CHST9: variants seen among roughly 807,000 people sequenced by gnomAD.
The protein encoded by CHST9 is GalNAc-4-sulfotransferase 2.
In CHST9, 41 loss-of-function variants were observed where a neutral mutation model predicts 44.4. The observed-to-expected ratio is 0.92, with a 90% CI of 0.72 to 1.20. The LOEUF (loss-of-function observed/expected upper bound fraction) is 1.20. Among genes scored for constraint, CHST9 ranks in the 50% most tolerant of loss-of-function variants. The pLI is 0.00. For missense variants in CHST9, 504 were observed against 516.5 expected (o/e 0.98, Z 0.23); for synonymous variants, 171 against 178.4 (o/e 0.96, Z 0.33).
At chr18:27,146,201 C>A (rs1386368817) in intron 1 of CHST9, among the ~76,000 whole-genome samples, 1 of 152,156 alleles carries the variant, frequency 6.6e-6, no homozygotes, top group Non-Finnish European at 1.5e-5. Context: ...TTTGCCCTTC[C>A]TTTCTTCAGG....
Position 26,915,013 on chromosome 18 carries a change from G to GA in CHST9, c.*1245dup, listed in dbSNP as rs1399906397. 2.3e-5 allele frequency: 9 copies of GA among 397,360 alleles called. No homozygotes were observed. The highest frequency in any genetic ancestry group is 4.0e-5 in the Non-Finnish European group (9 of 225,508). 24.6% of individuals were successfully genotyped at this position (397,360 alleles called of 1,614,324 possible). ...AAGGGATCTAATTTAGGATCCCTTGGAAAAAAATTCCAAAATGCATTACAA... is the reference window on the plus strand; with the variant it reads ...AAGGGATCTAATTTAGGATCCCTTGGAAAAAAAATTCCAAAATGCATTACAA... On this transcript the variant is annotated 3_prime_UTR_variant, in exon 6 of 6. Transcript: ENST00000618847.
At chr18:27,100,800 C>T (rs2058164092) in intron 2 of CHST9, among the ~76,000 whole-genome samples, 1 of 152,082 alleles carries the variant, frequency 6.6e-6, no homozygotes, top group Non-Finnish European at 1.5e-5. Context: ...ATGTTTGTCA[C>T]AATTTTAGAT....
At position 26,916,087 on chromosome 18, in the gene CHST9, T is replaced by G; in HGVS notation, c.*172A>C. 1 of 534,424 alleles carries G rather than the reference T, an allele frequency of 1.9e-6. No individual in the cohort carries two copies. Among genetic ancestry groups the G allele is most frequent in the Non-Finnish European group, 3.3e-6 (1 of 305,162 alleles). 33.1% of individuals were successfully genotyped at this position (534,424 alleles called of 1,614,324 possible). ...GTTGTTTACATCTCCTGTAGGTGAT[T>G]TTCCTATAACTTTGTGCCAATTGGT... On this transcript the variant is annotated 3_prime_UTR_variant, in exon 6 of 6. Transcript: ENST00000618847.
Position 27,140,059 on chromosome 18 carries a change from T to C in CHST9, c.121+2630A>G, listed in dbSNP as rs187858200. On this transcript the variant is annotated intron_variant, in intron 2 of 5. Transcript: ENST00000618847. ...TACACTTCAAAAACCTGTAGCTTTA[T>C]AGCTACAGGTTAAGTCATTTAAACT... Among the ~76,000 whole-genome samples the C allele has an allele frequency of 2.5e-3, 387 of 152,332 alleles. 4 individuals are homozygous for C. Among genetic ancestry groups the C allele is most frequent in the African/African-American group, 8.9e-3 (372 of 41,586 alleles).
chr18:27,084,498 C>T (rs2057991427), intron 2 of CHST9, among the ~76,000 whole-genome samples: 1 of 150,360 alleles, frequency 6.7e-6, no homozygotes. Flanking sequence ...TGGTAATGCC[C>T]CCTTTGTTGC....
chr18:26,969,372 C>CTGTGTGTG lies in CHST9; in HGVS notation c.203-25007_203-25006insCACACACA, dbSNP rs1371549809. Among the ~76,000 whole-genome samples the CTGTGTGTG allele has an allele frequency of 4.9e-4, 60 of 122,112 alleles. 1 individual carries two copies. The highest frequency in any genetic ancestry group is 1.3e-3 in the East Asian group (5 of 3,812). The allele number at this position is 122,112 out of a possible 152,430, so 80.1% of individuals were successfully genotyped here. A position where few individuals can be genotyped will look rare whatever the true frequency, so the allele number is the denominator to read the frequency against. Reference sequence around the variant, plus strand: ...CTTCCTTTTTTGATTCTCTCTCTCTCTCTCTGTGTGTGTGTGTGTGTGTGT... The same window carrying CTGTGTGTG: ...CTTCCTTTTTTGATTCTCTCTCTCTCTGTGTGTGTCTCTGTGTGTGTGTGTGTGTGTGT... On this transcript the variant is annotated intron_variant, in intron 4 of 5. Transcript: ENST00000618847.
chr18:27,051,784 G>T (rs2057570297), intron 2 of CHST9, among the ~76,000 whole-genome samples: 1 of 152,168 alleles, frequency 6.6e-6, no homozygotes, highest in South Asian at 2.1e-4. Flanking sequence ...GTTTTTAGCT[G>T]CTAAATCCTG....
At chr18:27,089,542 G>C (rs531482272) in intron 2 of CHST9, among the ~76,000 whole-genome samples, 1 of 152,284 alleles carries the variant, frequency 6.6e-6, no homozygotes, top group East Asian at 1.9e-4. Context: ...ATCATTGATG[G>C]ACATTTGGGT....
chr18:27,062,430 C>T (rs138886583), intron 2 of CHST9, among the ~76,000 whole-genome samples: 10 of 152,006 alleles, frequency 6.6e-5, no homozygotes, highest in East Asian at 1.9e-4. Flanking sequence ...TCTCTCCTTG[C>T]GATAGTTTGC....
intron 5 of CHST9, among the ~76,000 whole-genome samples, chr18:26,926,388 T>C (rs1461273558): frequency 6.6e-6 from 1 of 152,192 alleles, no homozygotes; most frequent in Non-Finnish European, 1.5e-5. Context: ...ATAATGTGAA[T>C]GTCAAGGAGA....
At chr18:26,989,635 G>T (rs1025300628) in intron 4 of CHST9, among the ~76,000 whole-genome samples, 17 of 152,162 alleles carry the variant, frequency 1.1e-4, no homozygotes, top group African/African-American at 4.1e-4. Context: ...GTTCATAGTG[G>T]CATTATTTGT....
intron 5 of CHST9, among the ~76,000 whole-genome samples, chr18:26,937,684 G>C (rs893408833): frequency 6.6e-6 from 1 of 152,112 alleles, no homozygotes; most frequent in Non-Finnish European, 1.5e-5. Flanking sequence ...GAACTAATTC[G>C]CCTCACTAAG....
intron 4 of CHST9, among the ~76,000 whole-genome samples, chr18:26,972,438 G>A (rs997053363): frequency 2.0e-4 from 30 of 151,224 alleles, no homozygotes. Flanking sequence ...GACAGAGTCA[G>A]TCATGCAGCT....
At chr18:26,998,739 C>CAAAAAAAA (rs11480705) in intron 4 of CHST9, among the ~76,000 whole-genome samples, 1 of 114,094 alleles carries the variant, frequency 8.8e-6, no homozygotes, top group Admixed American at 9.0e-5. Flanking sequence ...ACAACAACAA[C>CAAAAAAAA]AAAAAAAAAA....
intron 4 of CHST9, among the ~76,000 whole-genome samples, chr18:26,948,841 G>A (rs1256555692): frequency 1.3e-5 from 2 of 152,188 alleles, no homozygotes; most frequent in Non-Finnish European, 2.9e-5. Flanking sequence ...GGCAGGACAA[G>A]TAAAGAAATC....
At chr18:26,947,639 T>A (rs2056184197) in intron 4 of CHST9, among the ~76,000 whole-genome samples, 1 of 152,100 alleles carries the variant, frequency 6.6e-6, no homozygotes, top group South Asian at 2.1e-4. Flanking sequence ...CCAACAAACA[T>A]ATGAAAAAAG....
chr18:27,025,512 A>C (rs2057276133), intron 3 of CHST9, among the ~76,000 whole-genome samples: 1 of 152,138 alleles, frequency 6.6e-6, no homozygotes, highest in African/African-American at 2.4e-5. Flanking sequence ...TGCATCAATG[A>C]TATGCTATTC....
intron 2 of CHST9, among the ~76,000 whole-genome samples, chr18:27,054,528 A>G (rs961263622): frequency 6.6e-6 from 1 of 152,164 alleles, no homozygotes; most frequent in African/African-American, 2.4e-5. Context: ...TCTCATGACT[A>G]TTTATCTATG....
At chr18:26,968,730 C>G (rs1453067901) in intron 4 of CHST9, among the ~76,000 whole-genome samples, 1 of 152,068 alleles carries the variant, frequency 6.6e-6, no homozygotes, top group Non-Finnish European at 1.5e-5. Context: ...GAGCTATTTT[C>G]TTCTATGACT....
Sources: allele counts gnomAD v4.1 joint callset (sites outside exome capture counted in the v4.1 genomes callset), GRCh38; gene constraint gnomAD v4.1.1; transcripts MANE v1.5; gene names NCBI Gene and HGNC (gene_info 2026-07-23, HGNC 2026-07-21).